FAM135A: variants seen among roughly 807,000 people sequenced by gnomAD.
FAM135A encodes protein FAM135A.
Under a neutral mutation model 146.8 loss-of-function variants are expected in FAM135A, and 79 were observed. The observed-to-expected ratio is 0.54, with a 90% CI of 0.45 to 0.65. The LOEUF (loss-of-function observed/expected upper bound fraction) is 0.65. Ranked by LOEUF, FAM135A falls within the 30% of genes least tolerant of loss-of-function variation. The pLI, the probability that FAM135A is intolerant of heterozygous loss-of-function variation, is 0.00. For synonymous variants in FAM135A, 562 were observed against 603.6 expected, an observed-to-expected ratio of 0.93 and a Z score of 1.01; for missense variants, 1,623 against 1,758.2, an observed-to-expected ratio of 0.92 and a Z score of 1.38.
At chr6:70,521,769 TA>T (rs1375030341) in intron 12 of FAM135A, among the ~76,000 whole-genome samples, 1 of 152,206 alleles carries the variant, frequency 6.6e-6, no homozygotes, top group African/African-American at 2.4e-5. Context: ...CTTTCATAAT[TA>T]AAAATGAAAG....
At chr6:70,505,520 T>C (rs1020304594) in intron 12 of FAM135A, among the ~76,000 whole-genome samples, 5 of 151,748 alleles carry the variant, frequency 3.3e-5, no homozygotes, top group African/African-American at 1.2e-4. Context: ...TGACACAGTA[T>C]TGGGGGGATA....
intron 11 of FAM135A, among the ~76,000 whole-genome samples, chr6:70,493,161 T>C (rs1267044049): frequency 1.3e-5 from 2 of 152,000 alleles, no homozygotes; most frequent in Non-Finnish European, 2.9e-5. Flanking sequence ...ACTGTTTGCG[T>C]GCTGAAAACT....
At chr6:70,518,162 T>C (rs1026731839) in intron 12 of FAM135A, among the ~76,000 whole-genome samples, 12 of 152,136 alleles carry the variant, frequency 7.9e-5, no homozygotes, top group Non-Finnish European at 1.8e-4. Flanking sequence ...AATGGAACGA[T>C]AAGAAAGTGA....
rs573655163 is a variant in FAM135A at position 70,531,195 on chromosome 6, TATC to T, written c.3776-1962_3776-1960del. On this transcript the variant is annotated intron_variant, in intron 16 of 21. Coordinates refer to ENST00000418814, the MANE Select transcript of FAM135A (RefSeq NM_001162529.3). ...AAACACTCTAATGATAAGCAGATATTATCATTCTTTGGTCCTCCAGAAAGTCAA... is the reference window on the plus strand; with the variant it reads ...AAACACTCTAATGATAAGCAGATATTATTCTTTGGTCCTCCAGAAAGTCAA... 2.4e-3 allele frequency among the ~76,000 whole-genome samples: 368 copies of T among 152,328 alleles called. 1 individual carries two copies. The highest frequency in any genetic ancestry group is 3.8e-3 in the Admixed American group (58 of 15,304).
intron 8 of FAM135A, among the ~76,000 whole-genome samples, chr6:70,479,471 G>GC (rs1783288038): frequency 1.3e-5 from 2 of 152,138 alleles, no homozygotes; most frequent in Non-Finnish European, 2.9e-5. Context: ...GCTGCCATGG[G>GC]CCCTTATATC....
At chr6:70,540,286 C>CG (rs1797645677) in intron 20 of FAM135A, among the ~76,000 whole-genome samples, 2 of 144,048 alleles carry the variant, frequency 1.4e-5, no homozygotes, top group Non-Finnish European at 3.0e-5. Context: ...CCCTTCTCAT[C>CG]TGCTTTTTAG....
intron 11 of FAM135A, among the ~76,000 whole-genome samples, chr6:70,497,871 T>C (rs555900469): frequency 1.1e-4 from 16 of 152,334 alleles, no homozygotes; most frequent in African/African-American, 3.4e-4. Context: ...CTGGATTAGG[T>C]TTGCCAGTAT....
chr6:70,553,316 C>A (rs567341567), intron 20 of FAM135A, among the ~76,000 whole-genome samples: 38 of 152,264 alleles, frequency 2.5e-4, no homozygotes, highest in African/African-American at 7.5e-4. Context: ...CCATACTACG[C>A]TGAAATAAAA....
intron 16 of FAM135A, 147 bp downstream of exon 16, chr6:70,528,599 A>C (rs548936614): frequency 3.1e-6 from 2 of 646,656 alleles, no homozygotes; most frequent in South Asian, 1.1e-4. Flanking sequence ...CTGAAACAGA[A>C]ATATGCTTAA....
At chr6:70,415,896 C>T (rs1213475581) in intron 2 of FAM135A, among the ~76,000 whole-genome samples, 1 of 152,138 alleles carries the variant, frequency 6.6e-6, no homozygotes, top group Non-Finnish European at 1.5e-5. Context: ...AATAGCAAAG[C>T]AAGCCCTAAT....
chr6:70,444,477 A>C (rs1775267887), intron 4 of FAM135A, among the ~76,000 whole-genome samples: 1 of 152,092 alleles, frequency 6.6e-6, no homozygotes, highest in Non-Finnish European at 1.5e-5. Flanking sequence ...AGATGGGAGG[A>C]TTGCTTAAGC....
chr6:70,536,787 G>A (rs1796867616), intron 19 of FAM135A, among the ~76,000 whole-genome samples: 1 of 151,834 alleles, frequency 6.6e-6, no homozygotes, highest in African/African-American at 2.4e-5. Context: ...TAGAATATTA[G>A]CTAATTTTGG....
intron 4 of FAM135A, among the ~76,000 whole-genome samples, chr6:70,438,002 T>G (rs1354746841): frequency 6.6e-6 from 1 of 152,080 alleles, no homozygotes; most frequent in Non-Finnish European, 1.5e-5. Context: ...TCGAGAAACT[T>G]TTTTTTACTG....
intron 20 of FAM135A, among the ~76,000 whole-genome samples, chr6:70,546,669 C>T (rs946329931): frequency 6.6e-6 from 1 of 151,912 alleles, no homozygotes; most frequent in Non-Finnish European, 1.5e-5. Context: ...TTTTTGTGAA[C>T]ACAATAGATC....
At chr6:70,511,128 T>G (rs1486578118) in intron 12 of FAM135A, among the ~76,000 whole-genome samples, 1 of 151,994 alleles carries the variant, frequency 6.6e-6, no homozygotes, top group African/African-American at 2.4e-5. Flanking sequence ...TTAATTGGGT[T>G]GTTTGTCTTT....
chr6:70,536,490 T>G, intron 19 of FAM135A, 79 bp downstream of exon 19: 2 of 1,208,490 alleles, frequency 1.7e-6, no homozygotes, highest in Non-Finnish European at 1.1e-6. Flanking sequence ...GGTGTTTATT[T>G]TAGAACCAGT....
chr6:70,449,373 T>G (rs912946152), intron 4 of FAM135A, among the ~76,000 whole-genome samples: 1 of 152,174 alleles, frequency 6.6e-6, no homozygotes, highest in Non-Finnish European at 1.5e-5. Context: ...CAACTGCAAC[T>G]TTGTACTCTT....
intron 20 of FAM135A, among the ~76,000 whole-genome samples, chr6:70,538,800 GTTATGTTATA>G (rs1327100536): frequency 0.074 from 9,118 of 123,374 alleles, 743 homozygotes; most frequent in African/African-American, 0.24. Context: ...TTCATATTAT[GTTATGTTATA>G]TTATATTATA....
intron 20 of FAM135A, among the ~76,000 whole-genome samples, chr6:70,555,283 A>G (rs1005285416): frequency 3.3e-5 from 5 of 151,932 alleles, no homozygotes; most frequent in African/African-American, 1.2e-4. Context: ...TTTTATTTTT[A>G]GAGACAAGCT....
Sources: allele counts gnomAD v4.1 joint callset (sites outside exome capture counted in the v4.1 genomes callset), GRCh38; gene constraint gnomAD v4.1.1; transcripts MANE v1.5; gene names NCBI Gene and HGNC (gene_info 2026-07-23, HGNC 2026-07-21).